The following ARGFX variants were observed in gnomAD, a reference collection of about 807,000 sequenced individuals.
ARGFX encodes the protein arginine-fifty homeobox.
In ARGFX, 10 loss-of-function variants were observed where a neutral mutation model predicts 8.0. That is an observed-to-expected ratio of 1.25 (90% confidence interval 0.77 to 2.12). ARGFX has a LOEUF of 2.12. ARGFX is among the 30% of genes most tolerant of loss of function. The pLI, the probability that ARGFX is intolerant of heterozygous loss-of-function variation, is 0.00. For missense variants in ARGFX, 282 were observed against 324.3 expected (o/e 0.87, Z 1.00); for synonymous variants, 116 against 117.8 (o/e 0.98, Z 0.10).
intron 3 of ARGFX, among the ~76,000 whole-genome samples, chr3:121,578,502 G>A (rs1460422592): frequency 1.3e-5 from 2 of 152,032 alleles, no homozygotes; most frequent in African/African-American, 4.8e-5. Context: ...TAGCACTTTG[G>A]GAGGCTGAGG....
chr3:121,573,094 A>C (rs1211375516), intron 2 of ARGFX, among the ~76,000 whole-genome samples: 1 of 152,224 alleles, frequency 6.6e-6, no homozygotes, highest in African/African-American at 2.4e-5. Context: ...GGTTTCTTGG[A>C]TATGACACCA....
At chr3:121,578,120 C>CTTTTTTTTTTT (rs35072728) in intron 3 of ARGFX, among the ~76,000 whole-genome samples, 1 of 113,078 alleles carries the variant, frequency 8.8e-6, no homozygotes, top group Non-Finnish European at 1.7e-5. Context: ...CCCTACCCCA[C>CTTTTTTTTTTT]TTTTTTTTTT....
intron 3 of ARGFX, among the ~76,000 whole-genome samples, chr3:121,584,439 A>T (rs983954432): frequency 3.3e-5 from 5 of 151,660 alleles, no homozygotes; most frequent in South Asian, 2.1e-4. Flanking sequence ...TTTCATAATT[A>T]AAAAAATTTT....
At chr3:121,577,401 G>T (rs2048749446) in intron 3 of ARGFX, among the ~76,000 whole-genome samples, 1 of 150,838 alleles carries the variant, frequency 6.6e-6, no homozygotes, top group Middle Eastern at 3.4e-3. Flanking sequence ...TTACAGGTGT[G>T]TGCCACCACA....
intron 3 of ARGFX, among the ~76,000 whole-genome samples, chr3:121,581,168 A>G (rs571721888): frequency 6.6e-6 from 1 of 152,216 alleles, no homozygotes; most frequent in African/African-American, 2.4e-5. Flanking sequence ...GGGTTTCGCC[A>G]TGTTGGCTAG....
chr3:121,589,740 TATA>T lies in ARGFX; in HGVS notation c.*3145_*3147del, dbSNP rs1169983160. On this transcript the variant is annotated 3_prime_UTR_variant, in exon 5 of 5. Transcript: ENST00000334384. ...CAAAAGGAACAACTAACCTGAAATA[TATA>T]ATAACTTTGAACTTAAATATACTTA... Among the ~76,000 whole-genome samples, 2 of 152,084 alleles carry T rather than the reference TATA, an allele frequency of 1.3e-5. No homozygotes were observed. Among genetic ancestry groups the T allele is most frequent in the African/African-American group, 4.8e-5 (2 of 41,398 alleles).
Position 121,586,234 on chromosome 3 carries a change from C to A in ARGFX, c.582C>A (p.Thr194=), listed in dbSNP as rs760712711. 2.5e-6 allele frequency: 4 copies of A among 1,614,036 alleles called. No individual in the cohort carries two copies. Among genetic ancestry groups the A allele is most frequent in the Non-Finnish European group, 2.5e-6 (3 of 1,179,948 alleles). Residue 194 remains threonine (T), a synonymous_variant, in exon 5 of 5, where the codon ACC becomes ACA. Coordinates refer to ENST00000334384, the MANE Select transcript of ARGFX (RefSeq NM_001012659.2). Reference sequence around the variant, plus strand: ...CTTCCAATTGGGCATGGAACTCTACCTTCACTGAGAGTTCTACCAGTGACT... The same window carrying A: ...CTTCCAATTGGGCATGGAACTCTACATTCACTGAGAGTTCTACCAGTGACT... ...LDPSNWAWNS[T]FTESSTSDFQ... is the part of the protein sequence containing the mutation.
chr3:121,586,668 T>C lies in ARGFX; in HGVS notation c.*68T>C. 1 of 1,327,596 alleles carries C rather than the reference T, an allele frequency of 7.5e-7. No homozygotes were observed. The highest frequency in any genetic ancestry group is 1.0e-6 in the Non-Finnish European group (1 of 971,496). The allele number at this position is 1,327,596 out of a possible 1,614,324, so 82.2% of individuals were successfully genotyped here. A position where few individuals can be genotyped will look rare whatever the true frequency, so the allele number is the denominator to read the frequency against. ...CTTGCCTCTTGTACATGACTGTTTT[T>C]TTCCTTTGTCTCATTTTAACCCAAC... On this transcript the variant is annotated 3_prime_UTR_variant, in exon 5 of 5. Transcript: ENST00000334384.
rs2048812634 is a variant in ARGFX at position 121,586,315 on chromosome 3, C to G, written c.663C>G (p.Tyr221Ter). 1 of 1,614,086 alleles carries G rather than the reference C, an allele frequency of 6.2e-7. No homozygotes were observed. Among genetic ancestry groups the G allele is most frequent in the African/African-American group, 1.3e-5 (1 of 74,938 alleles). ...ERLVASVPAL[Y>*]SDAYDIFQII... ...TGGTGGCCTCGGTTCCTGCTTTGTA[C>G]TCTGATGCCTATGACATATTCCAAA... is the stretch of plus-strand genomic sequence containing the variant. Residue 221 changes from tyrosine (Y) to a stop codon, truncating the protein, a stop_gained, in exon 5 of 5, where the codon TAC (tyrosine) becomes TAG (stop). Transcript: ENST00000334384. LOFTEE classifies it low-confidence loss of function (END_TRUNC).
intron 3 of ARGFX, among the ~76,000 whole-genome samples, chr3:121,584,251 G>A (rs1309676527): frequency 2.7e-5 from 4 of 150,408 alleles, no homozygotes; most frequent in Non-Finnish European, 5.9e-5. Flanking sequence ...AGGAAGGAAG[G>A]AAGGAAGGAA....
intron 3 of ARGFX, among the ~76,000 whole-genome samples, chr3:121,584,510 A>G (rs1025999128): frequency 2.0e-5 from 3 of 152,206 alleles, no homozygotes; most frequent in Admixed American, 6.5e-5. Flanking sequence ...GAAAAAGATG[A>G]GAAGACAGAA....
intron 3 of ARGFX, 52 bp from the exon 4 acceptor site, chr3:121,584,865 G>C: frequency 1.3e-6 from 2 of 1,566,950 alleles, no homozygotes; most frequent in Non-Finnish European, 1.7e-6. Flanking sequence ...TGGTTGGGGG[G>C]AGAGATTGGT....
In ARGFX at chr3:121,586,195, T is replaced by C. The variant is rs376913494; in HGVS notation, c.543T>C (p.Ser181=). 3.4e-5 allele frequency: 55 copies of C among 1,613,936 alleles called. No individual in the cohort carries two copies. Among genetic ancestry groups the C allele is most frequent in the Non-Finnish European group, 4.5e-5 (53 of 1,180,016 alleles). Residue 181 remains serine (S), a synonymous_variant, in exon 5 of 5, where the codon TCT becomes TCC. Coordinates refer to ENST00000334384, the MANE Select transcript of ARGFX (RefSeq NM_001012659.2). Reference sequence around the variant, plus strand: ...CAGATTTCTACAGCTCCCTTCCATCTCAGCCCTTAGACCCTTCCAATTGGG... The same window carrying C: ...CAGATTTCTACAGCTCCCTTCCATCCCAGCCCTTAGACCCTTCCAATTGGG... ...VISDFYSSLP[S]QPLDPSNWAW... is the part of the protein sequence containing the mutation.
intron 2 of ARGFX, among the ~76,000 whole-genome samples, chr3:121,572,236 G>GTTT (rs35928051): frequency 7.8e-6 from 1 of 128,066 alleles, no homozygotes; most frequent in Non-Finnish European, 1.6e-5. Flanking sequence ...TATTATTGTT[G>GTTT]TTTTTTTTTT....
At chr3:121,577,259 A>ATATATATTTTT (rs1403064031) in intron 3 of ARGFX, among the ~76,000 whole-genome samples, 58 of 59,592 alleles carry the variant, frequency 9.7e-4, no homozygotes, top group African/African-American at 3.5e-3. Context: ...ATATATATAT[A>ATATATATTTTT]TTTTTTTTTT....
chr3:121,577,238 TA>T lies in ARGFX; in HGVS notation c.220+339del, dbSNP rs1253241794. Among the ~76,000 whole-genome samples the T allele has an allele frequency of 3.2e-4, 20 of 63,196 alleles. 1 individual carries two copies. Among genetic ancestry groups the T allele is most frequent in the African/African-American group, 1.1e-3 (17 of 14,916 alleles). The allele number at this position is 63,196 out of a possible 152,430, so 41.5% of individuals were successfully genotyped here. A position where few individuals can be genotyped will look rare whatever the true frequency, so the allele number is the denominator to read the frequency against. On this transcript the variant is annotated intron_variant, in intron 3 of 4. Transcript: ENST00000334384. ...ATATCTACATGTACATATATATATA[TA>T]TATATATATATATATATATATTTTT...
chr3:121,570,675 C>A lies in ARGFX; in HGVS notation c.-12-27C>A, dbSNP rs754034460. ...AGCGAATGAATTCCTCATCAGCATTCCCTATCTCATAGGCCTTCCATCTCA... is the reference window on the plus strand; with the variant it reads ...AGCGAATGAATTCCTCATCAGCATTACCTATCTCATAGGCCTTCCATCTCA... On this transcript the variant is annotated intron_variant, in intron 1 of 4. Transcript: ENST00000334384. 3.2e-5 allele frequency: 47 copies of A among 1,458,680 alleles called. No individual in the cohort carries two copies. The South Asian group carries it at 5.3e-4, about 16-fold the overall frequency. 90.4% of individuals were successfully genotyped at this position (1,458,680 alleles called of 1,614,324 possible). A position where few individuals can be genotyped will look rare whatever the true frequency, so the allele number is the denominator to read the frequency against.
In ARGFX at chr3:121,586,946, G is replaced by A. The variant is rs1037978820; in HGVS notation, c.*346G>A. Among the ~76,000 whole-genome samples, 2 of 152,134 alleles carry A rather than the reference G, an allele frequency of 1.3e-5. No homozygotes were observed. The highest frequency in any genetic ancestry group is 2.4e-5 in the African/African-American group (1 of 41,408). On this transcript the variant is annotated 3_prime_UTR_variant, in exon 5 of 5. Transcript: ENST00000334384. ...ATTCTGTCACCCAGGCTGGAATACA[G>A]TGGTACAGTCACGGCTCACAAAAGC...
rs754782868 is a variant in ARGFX, at chr3:121,586,183, C to T, written c.531C>T (p.Ser177=). The change falls in exon 5 of 5, where the codon AGC becomes AGT. Residue 177 remains serine, a synonymous_variant. Transcript: ENST00000334384. ...CTCCTGTGATTTCAGATTTCTACAG[C>T]TCCCTTCCATCTCAGCCCTTAGACC... The part of the protein sequence containing the change: ...AFSPVISDFY[S]SLPSQPLDPS... 1 of 1,614,070 alleles carries T rather than the reference C, an allele frequency of 6.2e-7. No homozygotes were observed. Among genetic ancestry groups the T allele is most frequent in the East Asian group, 2.2e-5 (1 of 44,890 alleles).
Sources: gnomAD v4.1 joint callset for allele counts (sites outside exome capture counted in the v4.1 genomes callset) on GRCh38, gnomAD v4.1.1 for gene constraint, MANE v1.5 for transcripts, NCBI Gene and HGNC (gene_info 2026-07-23, HGNC 2026-07-21) for gene names.